GLI3: variants seen among roughly 807,000 people sequenced by gnomAD.
GLI3 encodes the protein transcription activator GLI3.
Under a neutral mutation model 100.8 loss-of-function variants are expected in GLI3, and 20 were observed. The ratio of observed to expected loss-of-function variants is 0.20; its 90% CI spans 0.14 to 0.29. GLI3 has a LOEUF of 0.29. Ranked by LOEUF, GLI3 falls within the 10% of genes least tolerant of loss-of-function variation. The pLI is 1.00. For missense variants in GLI3, 2,040 were observed against 2,128.5 expected (o/e 0.96, Z 0.82); for synonymous variants, 938 against 860.5 (o/e 1.09, Z -1.58).
chr7:42,125,750 A>G (rs1196398716), intron 3 of GLI3, among the ~76,000 whole-genome samples: 1 of 152,200 alleles, frequency 6.6e-6, no homozygotes, highest in South Asian at 2.1e-4. Context: ...TCCTCAGGAG[A>G]CAAGCCTCTT....
chr7:41,993,759 C>T (rs984796044), intron 10 of GLI3, among the ~76,000 whole-genome samples: 10 of 152,254 alleles, frequency 6.6e-5, no homozygotes, highest in South Asian at 4.2e-4. Context: ...TACTCCCAAC[C>T]GGCTGCCTGC....
intron 2 of GLI3, among the ~76,000 whole-genome samples, chr7:42,219,002 T>C (rs1037759672): frequency 1.2e-4 from 19 of 152,310 alleles, no homozygotes; most frequent in African/African-American, 4.1e-4. Context: ...ATGTAGAACA[T>C]TGGAAGATTT....
At chr7:42,121,400 G>A (rs1785994965) in intron 3 of GLI3, among the ~76,000 whole-genome samples, 1 of 152,206 alleles carries the variant, frequency 6.6e-6, no homozygotes, top group African/African-American at 2.4e-5. Flanking sequence ...GGTCTAGAAA[G>A]CAAATAGGCA....
At chr7:41,981,487 G>A (rs1787667441) in intron 10 of GLI3, among the ~76,000 whole-genome samples, 5 of 152,222 alleles carry the variant, frequency 3.3e-5, no homozygotes. Flanking sequence ...AGAAGGAGGT[G>A]CCAACAGTGG....
At chr7:42,019,382 T>C (rs1216601989) in intron 10 of GLI3, among the ~76,000 whole-genome samples, 1 of 152,028 alleles carries the variant, frequency 6.6e-6, no homozygotes, top group Non-Finnish European at 1.5e-5. Flanking sequence ...ACCTCAAACA[T>C]CAAAGACCCA....
chr7:42,152,277 C>A, intron 2 of GLI3: 2 of 412,876 alleles, frequency 4.8e-6, no homozygotes, highest in Non-Finnish European at 6.5e-6. Flanking sequence ...CCTTAAAACC[C>A]ATTTTAATAC....
At position 41,972,400 on chromosome 7, in the gene GLI3, G is replaced by T. The variant is rs1331496312; in HGVS notation, c.2040C>A (p.Ser680Arg). 1.2e-6 allele frequency: 2 copies of T among 1,613,888 alleles called. No individual in the cohort carries two copies. The highest frequency in any genetic ancestry group is 2.7e-5 in the African/African-American group (2 of 74,868). ...ATTCTTCCCGCTTTGAGGTAGTGTT[G>T]CTGAGGTCCTGCTGCTCACCAAGGG... The part of the protein sequence containing the change: ...QGALGEQQDL[S>R]NTTSKREECL... The change falls in exon 13 of 15, where the codon AGC (serine) becomes AGA (arginine). Residue 680 changes from serine to arginine, a missense_variant. Physicochemically the swap from Ser to Arg is moderately radical, Grantham distance 110 (BLOSUM62 -1). Coordinates refer to ENST00000395925, the MANE Select transcript of GLI3 (RefSeq NM_000168.6). This position sits in a 1 kb window ranked among gnomAD's most constrained non-coding sequence, Gnocchi z 4.4.
At chr7:41,987,512 C>T (rs982093695) in intron 10 of GLI3, among the ~76,000 whole-genome samples, 1 of 152,140 alleles carries the variant, frequency 6.6e-6, no homozygotes. Flanking sequence ...GGGTTTCTTA[C>T]TGGCCTCAGT....
chr7:41,977,294 G>A (rs1787537203), intron 12 of GLI3, among the ~76,000 whole-genome samples: 1 of 152,216 alleles, frequency 6.6e-6, no homozygotes, highest in Admixed American at 6.5e-5. Flanking sequence ...TTGACCAGTA[G>A]GTGGCAGTTC....
chr7:41,976,773 A>C (rs1256247716), intron 12 of GLI3, among the ~76,000 whole-genome samples: 3 of 152,252 alleles, frequency 2.0e-5, no homozygotes. Context: ...ATTCAAGAGA[A>C]GATTTCACAG....
At chr7:42,023,093 AT>A (rs1334564569) in intron 10 of GLI3, among the ~76,000 whole-genome samples, 1 of 152,020 alleles carries the variant, frequency 6.6e-6, no homozygotes, top group East Asian at 1.9e-4. Context: ...TCATCTCCAC[AT>A]TTTTTCCATT....
At position 42,235,974 on chromosome 7, in the gene GLI3, G is replaced by C. The variant is rs141584458; in HGVS notation, c.-43+997C>G. 8.2e-3 allele frequency among the ~76,000 whole-genome samples: 1,243 copies of C among 152,250 alleles called. 19 individuals carry two copies. Among genetic ancestry groups the C allele is most frequent in the South Asian group, 0.081 (390 of 4,816 alleles). Reference sequence around the variant, plus strand: ...AAGTTGGGGCAGGATGACCAGCGGCGGAGGGAGCCTCCTTAATCCTCTTTC... The same window carrying C: ...AAGTTGGGGCAGGATGACCAGCGGCCGAGGGAGCCTCCTTAATCCTCTTTC... On this transcript the variant is annotated intron_variant, in intron 1 of 14. Transcript: ENST00000395925.
intron 4 of GLI3, among the ~76,000 whole-genome samples, chr7:42,049,448 C>T (rs1784309417): frequency 6.6e-6 from 1 of 152,150 alleles, no homozygotes; most frequent in South Asian, 2.1e-4. Flanking sequence ...TGAGGCATCC[C>T]GATGAGCCAC....
At chr7:42,192,184 A>G (rs1787841185) in intron 2 of GLI3, among the ~76,000 whole-genome samples, 1 of 152,202 alleles carries the variant, frequency 6.6e-6, no homozygotes. Flanking sequence ...ATTTTTGTTG[A>G]TGCTGTGTTT....
chr7:42,156,017 A>G (rs1026110531), intron 2 of GLI3, among the ~76,000 whole-genome samples: 2 of 152,138 alleles, frequency 1.3e-5, no homozygotes, highest in Admixed American at 6.5e-5. Context: ...TGACGAGGTC[A>G]GCGAAGATTG....
upstream of GLI3, among the ~76,000 whole-genome samples, chr7:42,241,339 C>T (rs1261292717): frequency 1.3e-5 from 2 of 152,152 alleles, no homozygotes; most frequent in Non-Finnish European, 2.9e-5. Flanking sequence ...TTCCCCTTGG[C>T]CAGGCTCACC....
intron 12 of GLI3, among the ~76,000 whole-genome samples, chr7:41,975,062 C>T (rs1787474179): frequency 6.6e-6 from 1 of 152,168 alleles, no homozygotes; most frequent in Non-Finnish European, 1.5e-5. Flanking sequence ...GAGGGAGGTT[C>T]AACCGAATCA....
At chr7:41,979,774 G>A (rs1229987198) in intron 10 of GLI3, among the ~76,000 whole-genome samples, 1 of 152,254 alleles carries the variant, frequency 6.6e-6, no homozygotes, top group Non-Finnish European at 1.5e-5. Context: ...ACTTTCTGAA[G>A]TATACATAGA....
chr7:42,220,850 A>G (rs1287085818), intron 2 of GLI3, among the ~76,000 whole-genome samples: 1 of 152,262 alleles, frequency 6.6e-6, no homozygotes, highest in African/African-American at 2.4e-5. Flanking sequence ...AATATAAAAC[A>G]GTAAATCTCT....
Sources: allele counts gnomAD v4.1 joint callset (sites outside exome capture counted in the v4.1 genomes callset), GRCh38; gene constraint gnomAD v4.1.1; non-coding constraint Gnocchi (gnomAD v3.1); transcripts MANE v1.5; gene names NCBI Gene and HGNC (gene_info 2026-07-23, HGNC 2026-07-21).